Variants in LDLRAD4 observed in about 807,000 individuals in gnomAD.
LDLRAD4 encodes the protein low-density lipoprotein receptor class A domain-containing protein 4.
LDLRAD4 carries 5 observed loss-of-function variants against 17.0 expected under a neutral mutation model. The ratio of observed to expected loss-of-function variants is 0.29; its 90% CI spans 0.15 to 0.62. The LOEUF (loss-of-function observed/expected upper bound fraction) is 0.62. LDLRAD4 is among the 20% of genes least tolerant of loss of function. The pLI is 0.84. For synonymous variants in LDLRAD4, 168 were observed against 171.8 expected (o/e 0.98, Z 0.17); for missense variants, 340 against 424.7 (o/e 0.80, Z 1.75).
intron 3 of LDLRAD4, among the ~76,000 whole-genome samples, chr18:13,518,606 TTTTTTAAAAG>T: frequency 6.6e-6 from 1 of 152,284 alleles, no homozygotes; most frequent in South Asian, 2.1e-4. Flanking sequence ...GTGATTTTCG[TTTTTTAAAAG>T]TGAGCTTATA....
intron 1 of LDLRAD4, among the ~76,000 whole-genome samples, chr18:13,232,522 G>A (rs532085844): frequency 2.0e-5 from 3 of 148,396 alleles, no homozygotes; most frequent in African/African-American, 5.1e-5. Flanking sequence ...ACAAGCCTCC[G>A]TGTAAATCGC....
intron 3 of LDLRAD4, among the ~76,000 whole-genome samples, chr18:13,445,006 A>G (rs768777200): frequency 1.3e-5 from 2 of 152,210 alleles, no homozygotes; most frequent in African/African-American, 2.4e-5. Flanking sequence ...TAAACACCCA[A>G]ACCAACCAAA....
intron 2 of LDLRAD4, among the ~76,000 whole-genome samples, chr18:13,431,793 A>G (rs1211830323): frequency 1.3e-5 from 2 of 152,218 alleles, no homozygotes; most frequent in East Asian, 1.9e-4. Context: ...CTGAAGGACA[A>G]CTATGGTTTC....
chr18:13,640,292 C>CA lies in LDLRAD4; in HGVS notation c.337-3049dup, dbSNP rs55794457. On this transcript the variant is annotated intron_variant, in intron 4 of 5. Transcript: ENST00000359446. ...TGGGCAACAGAGCGAGATTCCATCT[C>CA]AAAAAAAAAAAAAAAAAATGAAATC... is the stretch of plus-strand genomic sequence containing the variant. Among the ~76,000 whole-genome samples the CA allele has an allele frequency of 5.9e-4, 58 of 98,434 alleles. 2 individuals are homozygous for CA. The highest frequency in any genetic ancestry group is 8.7e-4 in the Non-Finnish European group (46 of 52,644). The allele number at this position is 98,434 out of a possible 152,430, so 64.6% of individuals were successfully genotyped here.
At chr18:13,346,289 C>T (rs1427723658) in intron 1 of LDLRAD4, among the ~76,000 whole-genome samples, 4 of 152,110 alleles carry the variant, frequency 2.6e-5, no homozygotes, top group Non-Finnish European at 4.4e-5. Flanking sequence ...TCTTTGTTCT[C>T]GTTGGTTTCA....
chr18:13,640,588 C>A (rs2042458590), intron 4 of LDLRAD4, among the ~76,000 whole-genome samples: 1 of 152,174 alleles, frequency 6.6e-6, no homozygotes, highest in Non-Finnish European at 1.5e-5. Flanking sequence ...GAATAGGTAA[C>A]AATTGTGCCC....
At chr18:13,608,060 C>T (rs765892425) in intron 3 of LDLRAD4, among the ~76,000 whole-genome samples, 1 of 151,480 alleles carries the variant, frequency 6.6e-6, no homozygotes, top group Non-Finnish European at 1.5e-5. Context: ...ACACTCCCAC[C>T]AACAGTGTAA....
intron 1 of LDLRAD4, among the ~76,000 whole-genome samples, chr18:13,252,784 C>T (rs541633565): frequency 5.9e-5 from 9 of 152,338 alleles, no homozygotes; most frequent in East Asian, 5.8e-4. Flanking sequence ...CACTTGCCGT[C>T]GGCCCTCCAC....
At chr18:13,604,950 C>A (rs2095206372) in intron 3 of LDLRAD4, among the ~76,000 whole-genome samples, 1 of 152,144 alleles carries the variant, frequency 6.6e-6, no homozygotes, top group Admixed American at 6.5e-5. Flanking sequence ...CCAGAATGCT[C>A]AAGGGCCAGG....
chr18:13,341,260 T>C (rs2082360025), intron 1 of LDLRAD4, among the ~76,000 whole-genome samples: 1 of 152,106 alleles, frequency 6.6e-6, no homozygotes, highest in South Asian at 2.1e-4. Flanking sequence ...TTTTCTATTT[T>C]GCAAAAACCA....
At chr18:13,493,086 T>G (rs1260521943) in intron 3 of LDLRAD4, among the ~76,000 whole-genome samples, 4 of 152,146 alleles carry the variant, frequency 2.6e-5, no homozygotes, top group Admixed American at 1.3e-4. Flanking sequence ...ACCACTGTAC[T>G]GCAGCTTGGG....
chr18:13,413,665 AAC>A (rs2088584751), intron 2 of LDLRAD4, among the ~76,000 whole-genome samples: 1 of 152,232 alleles, frequency 6.6e-6, no homozygotes. Flanking sequence ...GTCAACTGTC[AAC>A]ATTTACTGGA....
intron 3 of LDLRAD4, among the ~76,000 whole-genome samples, chr18:13,495,373 C>T (rs2093446790): frequency 6.6e-6 from 1 of 152,168 alleles, no homozygotes; most frequent in Admixed American, 6.5e-5. Flanking sequence ...TAAAATGCTA[C>T]AAACAATTGA....
chr18:13,446,247 C>T (rs147629058), intron 3 of LDLRAD4, among the ~76,000 whole-genome samples: 129 of 152,232 alleles, frequency 8.5e-4, no homozygotes, highest in African/African-American at 2.8e-3. Flanking sequence ...ACAGCCAAGG[C>T]GTGCCGCTGC....
At chr18:13,511,810 C>T (rs1306389187) in intron 3 of LDLRAD4, among the ~76,000 whole-genome samples, 1 of 152,146 alleles carries the variant, frequency 6.6e-6, no homozygotes, top group Admixed American at 6.6e-5. Context: ...GAATAAAAAT[C>T]CCCAGACCTA....
At chr18:13,218,288 C>T (rs1324004888), upstream of LDLRAD4, among the ~76,000 whole-genome samples, 1 of 152,096 alleles carries the variant, frequency 6.6e-6, no homozygotes, top group African/African-American at 2.4e-5. Context: ...GAGGCTTGGT[C>T]CGGGTGGGCT....
chr18:13,327,781 G>A (rs573890292), intron 1 of LDLRAD4, among the ~76,000 whole-genome samples: 14 of 152,314 alleles, frequency 9.2e-5, no homozygotes, highest in South Asian at 8.3e-4. Flanking sequence ...CTCTTTGAGA[G>A]CAGCAGGTCT....
chr18:13,330,414 C>A (rs2081792098), intron 1 of LDLRAD4, among the ~76,000 whole-genome samples: 1 of 152,124 alleles, frequency 6.6e-6, no homozygotes, highest in Non-Finnish European at 1.5e-5. Flanking sequence ...GGTGTTGAGT[C>A]TTCCTGTCCT....
exon 6 of LDLRAD4, chr18:13,648,424 G>A (rs958797331): frequency 6.6e-6 from 1 of 152,224 alleles, no homozygotes; most frequent in African/African-American, 2.4e-5. Flanking sequence ...GCTCTGTAAT[G>A]AATTAGTTTA....
Sources: allele counts gnomAD v4.1 joint callset (sites outside exome capture counted in the v4.1 genomes callset), GRCh38; gene constraint gnomAD v4.1.1; transcripts MANE v1.5; gene names NCBI Gene and HGNC (gene_info 2026-07-23, HGNC 2026-07-21).